ZC3H14: variants seen among roughly 807,000 people sequenced by gnomAD.
The protein encoded by ZC3H14 is zinc finger CCCH domain-containing protein 14.
A neutral mutation model predicts 92.4 loss-of-function variants in ZC3H14; 31 were observed. The ratio of observed to expected loss-of-function variants is 0.34; its 90% CI spans 0.25 to 0.45. The LOEUF is 0.45. ZC3H14 is among the 20% of genes least tolerant of loss of function. The pLI, the probability that ZC3H14 is intolerant of heterozygous loss-of-function variation, is 1.00. For missense variants in ZC3H14, 781 were observed against 897.3 expected, an observed-to-expected ratio of 0.87 and a Z score of 1.66; for synonymous variants, 321 against 300.9, an observed-to-expected ratio of 1.07 and a Z score of -0.69.
At chr14:88,594,130 A>T (rs1371540804) in intron 9 of ZC3H14, among the ~76,000 whole-genome samples, 1 of 152,180 alleles carries the variant, frequency 6.6e-6, no homozygotes, top group Non-Finnish European at 1.5e-5. Flanking sequence ...ACTCTCAATA[A>T]TGTTATATAC....
rs1460518771 is a variant in ZC3H14, at chr14:88,626,735, G to A, written c.*14984G>A. On this transcript the variant is annotated 3_prime_UTR_variant, in exon 17 of 17. Coordinates refer to ENST00000251038, the MANE Select transcript of ZC3H14 (RefSeq NM_024824.5). ...GCTTGACCAGGGCATGTAATGATTA[G>A]CAGATCACAGTATCATCTCAACAAC... is the stretch of plus-strand genomic sequence containing the variant. 8.9e-7 allele frequency: 1 copy of A among 1,125,202 alleles called. No individual in the cohort carries two copies. Among genetic ancestry groups the A allele is most frequent in the Non-Finnish European group, 1.3e-6 (1 of 780,394 alleles). 69.7% of individuals were successfully genotyped at this position (1,125,202 alleles called of 1,614,324 possible).
intron 9 of ZC3H14, among the ~76,000 whole-genome samples, chr14:88,587,663 T>G (rs1048565479): frequency 2.0e-5 from 3 of 152,182 alleles, no homozygotes; most frequent in Non-Finnish European, 4.4e-5. Flanking sequence ...CTATTTAGTC[T>G]GGGCATGGTT....
At chr14:88,601,064 G>A (rs1227810199) in intron 10 of ZC3H14, among the ~76,000 whole-genome samples, 1 of 152,128 alleles carries the variant, frequency 6.6e-6, no homozygotes, top group Admixed American at 6.5e-5. Context: ...TTCTTGGCTG[G>A]AGTGGGCTGT....
chr14:88,592,404 A>G (rs1170562829), intron 9 of ZC3H14: 1 of 151,904 alleles, frequency 6.6e-6, no homozygotes, highest in African/African-American at 2.4e-5. Flanking sequence ...TTTTTATTTT[A>G]CAAATTCCAG....
At chr14:88,602,686 A>C in intron 11 of ZC3H14, 142 bp from the exon 12 acceptor site, 2 of 818,490 alleles carry the variant, frequency 2.4e-6, no homozygotes, top group Non-Finnish European at 4.0e-6. Flanking sequence ...CCAGTGCTGC[A>C]CCTGGTAGCC....
rs1421980634 is a variant in ZC3H14, at chr14:88,617,994, TA to T, written c.*6247del. Reference sequence around the variant, plus strand: ...AAAAATATCAGGGTATCTTTAAAGTTAAAACTTTGATTTCCTTAAAAAAAAA... The same window carrying T: ...AAAAATATCAGGGTATCTTTAAAGTTAAACTTTGATTTCCTTAAAAAAAAA... On this transcript the variant is annotated 3_prime_UTR_variant, in exon 17 of 17. Coordinates refer to ENST00000251038, the MANE Select transcript of ZC3H14 (RefSeq NM_024824.5). 1.4e-4 allele frequency: 38 copies of T among 276,058 alleles called. No individual in the cohort carries two copies. The South Asian group carries it at 2.3e-3, about 17-fold the overall frequency. 17.1% of individuals were successfully genotyped at this position (276,058 alleles called of 1,614,324 possible). A position where few individuals can be genotyped will look rare whatever the true frequency, so the allele number is the denominator to read the frequency against.
rs1015182181 is a variant in ZC3H14, at chr14:88,614,289, T to G, written c.*2538T>G. Reference sequence around the variant, plus strand: ...ATGTATTTCAAAATTTGGCTTAATTTAGGAGAATCCACTGATGAACAAGTA... The same window carrying G: ...ATGTATTTCAAAATTTGGCTTAATTGAGGAGAATCCACTGATGAACAAGTA... On this transcript the variant is annotated 3_prime_UTR_variant, in exon 17 of 17. Coordinates refer to ENST00000251038, the MANE Select transcript of ZC3H14 (RefSeq NM_024824.5). 2.0e-5 allele frequency: 3 copies of G among 152,308 alleles called. No individual in the cohort carries two copies. The highest frequency in any genetic ancestry group is 2.9e-5 in the Non-Finnish European group (2 of 68,024). 9.4% of individuals were successfully genotyped at this position (152,308 alleles called of 1,614,324 possible). A position where few individuals can be genotyped will look rare whatever the true frequency, so the allele number is the denominator to read the frequency against.
intron 9 of ZC3H14, chr14:88,589,966 C>G (rs2082914492): frequency 6.6e-6 from 1 of 152,274 alleles, no homozygotes; most frequent in African/African-American, 2.4e-5. Flanking sequence ...CCCGTCTCTA[C>G]TAAAAATACA....
At chr14:88,576,290 G>T (rs2081149925) in intron 8 of ZC3H14, among the ~76,000 whole-genome samples, 1 of 152,194 alleles carries the variant, frequency 6.6e-6, no homozygotes, top group African/African-American at 2.4e-5. Context: ...GATGTGTAAA[G>T]GGGAGTACAA....
chr14:88,618,774 C>G lies in ZC3H14; in HGVS notation c.*7023C>G. Reference sequence around the variant, plus strand: ...GTCATAAAAATCCACTGAGTTCTCACTAGAACCTACTGCCAGATACCGGGA... The same window carrying G: ...GTCATAAAAATCCACTGAGTTCTCAGTAGAACCTACTGCCAGATACCGGGA... On this transcript the variant is annotated 3_prime_UTR_variant, in exon 17 of 17. Coordinates refer to ENST00000251038, the MANE Select transcript of ZC3H14 (RefSeq NM_024824.5). 1 of 1,598,650 alleles carries G rather than the reference C, an allele frequency of 6.3e-7. No individual in the cohort carries two copies. Among genetic ancestry groups the G allele is most frequent in the Non-Finnish European group, 8.5e-7 (1 of 1,171,412 alleles).
At chr14:88,610,791 T>C (rs764988603) in intron 15 of ZC3H14, 43 bp from the exon 16 acceptor site, 9 of 1,563,368 alleles carry the variant, frequency 5.8e-6, no homozygotes, top group Non-Finnish European at 7.9e-6. Flanking sequence ...TTTACTTATA[T>C]TAGCCTTGTG....
intron 9 of ZC3H14, among the ~76,000 whole-genome samples, chr14:88,583,596 T>C (rs538294034): frequency 6.6e-6 from 1 of 152,356 alleles, no homozygotes; most frequent in South Asian, 2.1e-4. Context: ...GTGTTTTCTA[T>C]ACAGTATTTG....
chr14:88,598,740 A>G (rs1549842), intron 10 of ZC3H14, among the ~76,000 whole-genome samples: 144,763 of 152,298 alleles, frequency 0.95, 69,116 homozygotes, highest in Non-Finnish European at 1. Context: ...ATCACCAGTC[A>G]TCCCAGGTGT....
At chr14:88,609,480 A>G (rs1487482304) in intron 14 of ZC3H14, 77 bp downstream of exon 14, 6 of 1,604,686 alleles carry the variant, frequency 3.7e-6, no homozygotes, top group South Asian at 1.1e-5. Context: ...GGAATTGAAC[A>G]AACAAAAGAT....
intron 10 of ZC3H14, among the ~76,000 whole-genome samples, chr14:88,600,866 C>T (rs564271981): frequency 5.3e-5 from 8 of 152,320 alleles, no homozygotes; most frequent in African/African-American, 1.9e-4. Flanking sequence ...CACACACACC[C>T]TTCCAGCCAT....
At chr14:88,591,725 A>G (rs1323381738) in intron 9 of ZC3H14, 1 of 152,188 alleles carries the variant, frequency 6.6e-6, no homozygotes, top group Non-Finnish European at 1.5e-5. Context: ...ATCTGTGAAC[A>G]TGTGCACCCT....
chr14:88,573,132 G>C (rs1362446754), intron 6 of ZC3H14, 125 bp downstream of exon 6: 1 of 1,138,536 alleles, frequency 8.8e-7, no homozygotes, highest in Non-Finnish European at 1.3e-6. Flanking sequence ...TGTAATCCCA[G>C]GACTTTGGGA....
rs990323342 is a variant in ZC3H14, at chr14:88,571,428, TAATAAACG to T, written c.235+307_235+314del. ...TGAAAACAATTTAAAAGTTCAGTCA[TAATAAACG>T]AAATTGTTGTATTACCATGTGTGGA... On this transcript the variant is annotated intron_variant, in intron 4 of 16. Transcript: ENST00000251038. Among the ~76,000 whole-genome samples the T allele has an allele frequency of 1.5e-4, 23 of 152,300 alleles. 1 individual carries two copies. The East Asian group carries it at 1.5e-3, about 10-fold the overall frequency.
rs1323393575 is a variant in ZC3H14, at chr14:88,613,105, TC to T, written c.*1356del. ...TCTACTGTTGTGTTGCCATTGCTTT[TC>T]CATTGGGAGAAGAAAGAATTAACCA... On this transcript the variant is annotated 3_prime_UTR_variant, in exon 17 of 17. Coordinates refer to ENST00000251038, the MANE Select transcript of ZC3H14 (RefSeq NM_024824.5). 1.3e-5 allele frequency: 2 copies of T among 152,410 alleles called. No individual in the cohort carries two copies. The highest frequency in any genetic ancestry group is 4.8e-5 in the African/African-American group (2 of 41,454). 9.4% of individuals were successfully genotyped at this position (152,410 alleles called of 1,614,324 possible).
Sources: gnomAD v4.1 joint callset for allele counts (sites outside exome capture counted in the v4.1 genomes callset) on GRCh38, gnomAD v4.1.1 for gene constraint, MANE v1.5 for transcripts, NCBI Gene and HGNC (gene_info 2026-07-23, HGNC 2026-07-21) for gene names.